The following THSD4 variants were observed in gnomAD, a reference collection of about 807,000 sequenced individuals.
The protein encoded by THSD4 is thrombospondin type 1 domain containing 4, also known as thrombospondin type-1 domain-containing protein 4.
In THSD4, 69 loss-of-function variants were observed where a neutral mutation model predicts 119.0. That is an observed-to-expected ratio of 0.58 (90% confidence interval 0.48 to 0.71). The LOEUF (loss-of-function observed/expected upper bound fraction) is 0.71. Ranked by LOEUF, THSD4 falls within the 30% of genes least tolerant of loss-of-function variation. The probability of loss-of-function intolerance (pLI) is 0.00; values close to 1 mark genes in which losing one functional copy is unlikely to be tolerated. For missense variants in THSD4, 1,393 were observed against 1,391.1 expected (o/e 1.00, Z -0.02); for synonymous variants, 524 against 540.4 (o/e 0.97, Z 0.42).
intron 7 of THSD4, among the ~76,000 whole-genome samples, chr15:71,483,989 T>G (rs890858816): frequency 4.6e-5 from 7 of 152,216 alleles, no homozygotes; most frequent in African/African-American, 1.7e-4. Context: ...TCATTCTGCC[T>G]ATTTCACAGG....
chr15:71,544,913 A>G (rs1455044529), intron 7 of THSD4, among the ~76,000 whole-genome samples: 2 of 152,228 alleles, frequency 1.3e-5, no homozygotes, highest in African/African-American at 4.8e-5. Flanking sequence ...AAAAGGACAA[A>G]TACTGTAGTG....
chr15:71,387,952 T>C (rs546624809), intron 6 of THSD4, among the ~76,000 whole-genome samples: 4 of 152,128 alleles, frequency 2.6e-5, no homozygotes, highest in African/African-American at 9.6e-5. Flanking sequence ...GATCTTATTT[T>C]CCCCCCTCAA....
At chr15:71,633,969 C>T (rs1407463963) in intron 7 of THSD4, among the ~76,000 whole-genome samples, 2 of 152,108 alleles carry the variant, frequency 1.3e-5, no homozygotes, top group Non-Finnish European at 2.9e-5. Context: ...GGCGGATCAC[C>T]TGAGATCAGG....
At chr15:71,432,221 C>G (rs57562383) in intron 7 of THSD4, among the ~76,000 whole-genome samples, 4,193 of 152,240 alleles carry the variant, frequency 0.028, 174 homozygotes, top group African/African-American at 0.096. Context: ...ATGCCTAATA[C>G]GTCTCTCTGG....
intron 6 of THSD4, among the ~76,000 whole-genome samples, chr15:71,389,884 A>G (rs2046352686): frequency 7.5e-6 from 1 of 134,070 alleles, no homozygotes; most frequent in Non-Finnish European, 1.5e-5. Flanking sequence ...ATCTTGGCTC[A>G]CTGCAACCTC....
chr15:71,320,827 A>T (rs2045256925), intron 6 of THSD4, among the ~76,000 whole-genome samples: 1 of 152,170 alleles, frequency 6.6e-6, no homozygotes, highest in Non-Finnish European at 1.5e-5. Context: ...ACATCAAGGA[A>T]GATGTTATGC....
Position 71,537,168 on chromosome 15 carries a change from C to T in THSD4, c.1153-123362C>T, listed in dbSNP as rs575701012. On this transcript the variant is annotated intron_variant, in intron 7 of 17. Transcript: ENST00000261862. ...CAATTATCTTTGAAATCATTCACTT[C>T]TTTCCACCATCCCAGTTTAAGCTCT... 6.6e-5 allele frequency among the ~76,000 whole-genome samples: 10 copies of T among 152,326 alleles called. 1 individual carries two copies. The South Asian group carries it at 2.1e-3, about 32-fold the overall frequency.
intron 8 of THSD4, among the ~76,000 whole-genome samples, chr15:71,718,680 C>T (rs1160915047): frequency 6.6e-6 from 1 of 152,172 alleles, no homozygotes; most frequent in Non-Finnish European, 1.5e-5. Context: ...GCTCCCAGCG[C>T]CCCACAACTT....
At chr15:71,454,070 A>T (rs1334117490) in intron 7 of THSD4, among the ~76,000 whole-genome samples, 4 of 152,228 alleles carry the variant, frequency 2.6e-5, no homozygotes, top group African/African-American at 9.6e-5. Flanking sequence ...CAGCCTGGTC[A>T]ACATGGCAAA....
At chr15:71,748,286 T>G in intron 13 of THSD4, 135 bp from the exon 14 acceptor site, 1 of 1,081,598 alleles carries the variant, frequency 9.2e-7, no homozygotes, top group Non-Finnish European at 1.3e-6. Context: ...CTCAGATCCC[T>G]GCCCCAGCTG....
At chr15:71,644,576 AC>A (rs2050930791) in intron 7 of THSD4, among the ~76,000 whole-genome samples, 2 of 152,296 alleles carry the variant, frequency 1.3e-5, no homozygotes, top group Admixed American at 1.3e-4. Flanking sequence ...ACTCTATGCC[AC>A]CTTTGTATTC....
chr15:71,454,669 C>T (rs1161860396), intron 7 of THSD4, among the ~76,000 whole-genome samples: 1 of 152,192 alleles, frequency 6.6e-6, no homozygotes, highest in African/African-American at 2.4e-5. Context: ...AAAAGCACAG[C>T]CCGTTAAAAT....
intron 7 of THSD4, among the ~76,000 whole-genome samples, chr15:71,570,529 C>T (rs1020513792): frequency 1.3e-5 from 2 of 152,096 alleles, no homozygotes; most frequent in Non-Finnish European, 2.9e-5. Context: ...GCCTCAGCCT[C>T]CCAAGTAGTT....
intron 3 of THSD4, among the ~76,000 whole-genome samples, chr15:71,189,694 G>C (rs1383825415): frequency 2.0e-5 from 3 of 151,980 alleles, no homozygotes; most frequent in East Asian, 3.9e-4. Context: ...ACATGTTTCT[G>C]GGCTCTGTGC....
intron 6 of THSD4, among the ~76,000 whole-genome samples, chr15:71,405,075 G>C (rs1308194740): frequency 6.6e-6 from 1 of 152,062 alleles, no homozygotes. Context: ...TTTTAGTAGA[G>C]ATGAGGTTTC....
chr15:71,283,249 G>A (rs959198836), intron 6 of THSD4, among the ~76,000 whole-genome samples: 3 of 152,124 alleles, frequency 2.0e-5, no homozygotes, highest in Admixed American at 6.5e-5. Context: ...GATTACAGGC[G>A]TGAGCCATCG....
At chr15:71,264,928 A>G (rs557654374) in intron 6 of THSD4, among the ~76,000 whole-genome samples, 1 of 152,180 alleles carries the variant, frequency 6.6e-6, no homozygotes, top group Non-Finnish European at 1.5e-5. Flanking sequence ...AAAATTCATA[A>G]GTTAGAGCCC....
chr15:71,442,783 G>T (rs1178581617), intron 7 of THSD4, among the ~76,000 whole-genome samples: 3 of 145,190 alleles, frequency 2.1e-5, no homozygotes, highest in African/African-American at 7.7e-5. Context: ...TCTTTGCTTT[G>T]GTATAGGCTG....
chr15:71,139,706 A>C (rs1310061044), intron 1 of THSD4, among the ~76,000 whole-genome samples: 3 of 152,222 alleles, frequency 2.0e-5, no homozygotes, highest in Admixed American at 6.5e-5. Flanking sequence ...TCTGGTTCTC[A>C]TGACTATCTT....
Sources: allele counts gnomAD v4.1 joint callset (sites outside exome capture counted in the v4.1 genomes callset), GRCh38; gene constraint gnomAD v4.1.1; transcripts MANE v1.5; gene names NCBI Gene and HGNC (gene_info 2026-07-23, HGNC 2026-07-21).